MEIOB: variants seen among roughly 807,000 people sequenced by gnomAD.
MEIOB encodes the protein meiosis specific with OB-fold, also known as meiosis-specific with OB domain-containing protein.
Under a neutral mutation model 53.1 loss-of-function variants are expected in MEIOB, and 50 were observed. That is an observed-to-expected ratio of 0.94 (90% confidence interval 0.75 to 1.19). MEIOB has a LOEUF of 1.19. Among genes scored for constraint, MEIOB ranks in the 50% most tolerant of loss-of-function variants. The probability of loss-of-function intolerance (pLI) is 0.00; values close to 1 mark genes in which losing one functional copy is unlikely to be tolerated. For synonymous variants in MEIOB, 192 were observed against 182.5 expected (o/e 1.05, Z -0.42); for missense variants, 551 against 550.8 (o/e 1.00, Z 0.00).
chr16:1,856,322 AT>A (rs35565179), intron 6 of MEIOB, among the ~76,000 whole-genome samples: 122,813 of 147,314 alleles, frequency 0.83, 50,886 homozygotes, highest in Middle Eastern at 0.9. Context: ...TGCCCAGCTA[AT>A]TTTTTTTTTT....
At chr16:1,841,716 CT>C (rs1404061379) in intron 11 of MEIOB, 103 bp downstream of exon 11, 1 of 793,954 alleles carries the variant, frequency 1.3e-6, no homozygotes, top group Non-Finnish European at 1.8e-6. Context: ...TACATAACCC[CT>C]GTTACATCAA....
intron 3 of MEIOB, among the ~76,000 whole-genome samples, chr16:1,864,916 TTTAG>T (rs1390553004): frequency 6.6e-6 from 1 of 152,220 alleles, no homozygotes; most frequent in African/African-American, 2.4e-5. Flanking sequence ...AAACTATTTA[TTTAG>T]TATTTCTGAT....
intron 9 of MEIOB, among the ~76,000 whole-genome samples, chr16:1,846,592 C>G (rs536473844): frequency 6.6e-6 from 1 of 152,286 alleles, no homozygotes; most frequent in East Asian, 1.9e-4. Flanking sequence ...AAATGTGGTA[C>G]ATGTATACCA....
chr16:1,856,758 C>CGTTT (rs1567278725), intron 6 of MEIOB, among the ~76,000 whole-genome samples: 1 of 104,360 alleles, frequency 9.6e-6, no homozygotes. Flanking sequence ...CCACGCCAGG[C>CGTTT]CTTTTTTTTT....
At chr16:1,860,049 G>A (rs1028764259) in intron 5 of MEIOB, among the ~76,000 whole-genome samples, 1 of 152,168 alleles carries the variant, frequency 6.6e-6, no homozygotes, top group Non-Finnish European at 1.5e-5. Flanking sequence ...TGCTTCGAAG[G>A]AATCTGCCCT....
intron 2 of MEIOB, 27 bp downstream of exon 2, chr16:1,868,080 G>C: frequency 8.1e-7 from 1 of 1,239,836 alleles, no homozygotes; most frequent in Non-Finnish European, 1.1e-6. Context: ...TCATCAGTAA[G>C]CAAATCACCA....
rs188713181 is a variant in MEIOB, at chr16:1,860,412, G to A, written c.323C>T (p.Ala108Val). Reference sequence around the variant, plus strand: ...CTAGACAGATGCTTACCTAGGAGTTGCAGGGCTGAATTTTTCTTCTCTTTC... The same window carrying A: ...CTAGACAGATGCTTACCTAGGAGTTACAGGGCTGAATTTTTCTTCTCTTTC... ...EIEREEKFSP[A>V]TPSNCKLLLS... The change falls in exon 5 of 14, where the codon GCA becomes GTA. Residue 108 changes from alanine (A) to valine (V), a missense_variant. Physicochemically the swap from Ala to Val is moderately conservative, Grantham distance 64. Transcript: ENST00000325962. 1.3e-6 allele frequency: 2 copies of A among 1,535,550 alleles called. No homozygotes were observed. The highest frequency in any genetic ancestry group is 4.9e-5 in the East Asian group (2 of 40,792).
At chr16:1,862,197 A>G (rs1899461236) in intron 3 of MEIOB, 81 bp from the exon 4 acceptor site, 1 of 1,127,550 alleles carries the variant, frequency 8.9e-7, no homozygotes, top group African/African-American at 1.6e-5. Context: ...TTACATGAAA[A>G]GTTTCATTTC....
rs767446432 is a variant in MEIOB at position 1,853,124 on chromosome 16, G to A, written c.693C>T (p.Ala231=). The A allele has an allele frequency of 5.6e-6, 9 of 1,610,822 alleles. No individual in the cohort carries two copies. The highest frequency in any genetic ancestry group is 5.0e-5 in the Admixed American group (3 of 59,872). The part of the protein sequence containing the change: ...SWMPRETVIF[A]SDVRINFDKF... Reference sequence around the variant, plus strand: ...TGTCAAAATTTATTCTTACATCTGAGGCAAATATTACTGTTTGGGAAAAAA... The same window carrying A: ...TGTCAAAATTTATTCTTACATCTGAAGCAAATATTACTGTTTGGGAAAAAA... Residue 231 remains alanine (A), a synonymous_variant, in exon 9 of 14, where the codon GCC becomes GCT. Coordinates refer to ENST00000325962, the MANE Select transcript of MEIOB (RefSeq NM_001163560.3).
intron 1 of MEIOB, among the ~76,000 whole-genome samples, chr16:1,870,574 G>A (rs1899718674): frequency 6.6e-6 from 1 of 152,118 alleles, no homozygotes; most frequent in African/African-American, 2.4e-5. Flanking sequence ...TTAAATTGTG[G>A]ATAACATCCA....
chr16:1,871,740 G>A lies in MEIOB; in HGVS notation c.-10+253C>T, dbSNP rs567962621. On this transcript the variant is annotated intron_variant, in intron 1 of 13. Coordinates refer to ENST00000325962, the MANE Select transcript of MEIOB (RefSeq NM_001163560.3). Reference sequence around the variant, plus strand: ...GGGTTGCACCTGAGGTGGGCAGATCGCGAGGTCAGGAATTTGAGACCAGCT... The same window carrying A: ...GGGTTGCACCTGAGGTGGGCAGATCACGAGGTCAGGAATTTGAGACCAGCT... 2.8e-4 allele frequency among the ~76,000 whole-genome samples: 41 copies of A among 146,452 alleles called. 1 individual carries two copies. The highest frequency in any genetic ancestry group is 7.6e-5 in the African/African-American group (3 of 39,724).
At chr16:1,852,067 A>G (rs1175493057) in intron 9 of MEIOB, among the ~76,000 whole-genome samples, 1 of 152,168 alleles carries the variant, frequency 6.6e-6, no homozygotes, top group Non-Finnish European at 1.5e-5. Flanking sequence ...GTTATGAGCT[A>G]ATGATACTAC....
At chr16:1,845,637 TA>T (rs1478236383) in intron 9 of MEIOB, among the ~76,000 whole-genome samples, 1 of 152,180 alleles carries the variant, frequency 6.6e-6, no homozygotes, top group Non-Finnish European at 1.5e-5. Context: ...TGTTTCTATA[TA>T]TTTTTTCTGA....
chr16:1,867,033 C>G (rs1282883818), intron 2 of MEIOB, among the ~76,000 whole-genome samples: 1 of 152,058 alleles, frequency 6.6e-6, no homozygotes, highest in Non-Finnish European at 1.5e-5. Flanking sequence ...CCATTATTAG[C>G]AAATAGTTTA....
At chr16:1,860,016 AC>A (rs552652968) in intron 5 of MEIOB, among the ~76,000 whole-genome samples, 80 of 152,286 alleles carry the variant, frequency 5.3e-4, no homozygotes, top group Non-Finnish European at 1.0e-3. Flanking sequence ...AACCACTCCC[AC>A]AAGAGTCCTC....
chr16:1,865,809 T>A lies in MEIOB; in HGVS notation c.96A>T (p.Lys32Asn). Residue 32 changes from lysine (K) to asparagine (N), a missense_variant, in exon 3 of 14, where the codon AAA becomes AAT. By Grantham distance (94) the Lys-to-Asn change is moderately conservative. Transcript: ENST00000325962. ...TGTCTGGAAAGCCTTTGACATCTGT[T>A]TTCCCAATAACTATACCGATAACTT... ...NLKVIGIVIG[K>N]TDVKGFPDRK... 2.6e-6 allele frequency: 4 copies of A among 1,549,408 alleles called. No individual in the cohort carries two copies. The highest frequency in any genetic ancestry group is 3.5e-6 in the Non-Finnish European group (4 of 1,146,352).
At chr16:1,847,037 C>T (rs995265001) in intron 9 of MEIOB, among the ~76,000 whole-genome samples, 2 of 151,848 alleles carry the variant, frequency 1.3e-5, no homozygotes, top group African/African-American at 4.8e-5. Context: ...CACCTGTAGT[C>T]CCAGCTACTC....
At chr16:1,859,618 A>G (rs2150820943) in intron 5 of MEIOB, among the ~76,000 whole-genome samples, 1 of 152,316 alleles carries the variant, frequency 6.6e-6, no homozygotes, top group South Asian at 2.1e-4. Context: ...TTCATGAAAT[A>G]TAAAGAAATT....
chr16:1,838,119 G>T, intron 12 of MEIOB: 1 of 614,116 alleles, frequency 1.6e-6, no homozygotes, highest in Non-Finnish European at 2.8e-6. Flanking sequence ...TCAGCTTCCC[G>T]TTTCTGAGGT....
Sources: gnomAD v4.1 joint callset for allele counts (sites outside exome capture counted in the v4.1 genomes callset) on GRCh38, gnomAD v4.1.1 for gene constraint, MANE v1.5 for transcripts, NCBI Gene and HGNC (gene_info 2026-07-23, HGNC 2026-07-21) for gene names.